Variants in PRELID2 observed in about 807,000 individuals in gnomAD.
PRELID2 encodes the protein PRELI domain containing 2.
Under a neutral mutation model 28.4 loss-of-function variants are expected in PRELID2, and 25 were observed. That is an observed-to-expected ratio of 0.88 (90% CI 0.64 to 1.23). PRELID2 has a LOEUF of 1.23. Ranked by LOEUF, PRELID2 falls within the 50% of genes most tolerant of loss-of-function variation. The pLI is 0.00. For missense variants in PRELID2, 201 were observed against 214.4 expected (o/e 0.94, Z 0.39); for synonymous variants, 76 against 71.6 (o/e 1.06, Z -0.31).
the PRELID2 span, among the ~76,000 whole-genome samples, chr5:145,300,489 G>T: frequency 6.6e-6 from 1 of 151,746 alleles, no homozygotes; most frequent in South Asian, 2.1e-4. Flanking sequence ...TAAAATATAA[G>T]TTTTTATTTA....
rs1159929198 is a variant in PRELID2 at position 145,742,211 on chromosome 5, C to T, written n.70+22720G>A. Among the ~76,000 whole-genome samples, 22 of 101,048 alleles carry T rather than the reference C, an allele frequency of 2.2e-4. No homozygotes were observed. In the East Asian group the frequency reaches 3.3e-3, roughly 15 times the overall value. 66.3% of individuals were successfully genotyped at this position (101,048 alleles called of 152,430 possible). A position where few individuals can be genotyped will look rare whatever the true frequency, so the allele number is the denominator to read the frequency against. ...ATATAAATAATAATATATAAATATA[C>T]ATTTTTATTTATATATAAATAAAAT... On this transcript the variant is annotated intron_variant and non_coding_transcript_variant, in intron 1 of 2. Transcript: ENST00000510259.
chr5:145,697,771 A>G (rs962114397), intron 1 of PRELID2, among the ~76,000 whole-genome samples: 2 of 152,200 alleles, frequency 1.3e-5, no homozygotes, highest in African/African-American at 2.4e-5. Context: ...CTCCTTACAC[A>G]GTTTAAATCT....
chr5:145,801,705 A>C (rs1753153958), intron 4 of PRELID2, among the ~76,000 whole-genome samples: 1 of 152,182 alleles, frequency 6.6e-6, no homozygotes, highest in Non-Finnish European at 1.5e-5. Flanking sequence ...TTCATTAGCT[A>C]TCACCTCAAA....
At chr5:145,764,816 A>G (rs1289739666) in intron 6 of PRELID2, 115 bp downstream of exon 6, 3 of 719,480 alleles carry the variant, frequency 4.2e-6, no homozygotes, top group South Asian at 1.6e-5. Context: ...TTCTGTGCAT[A>G]TAACTGGGAA....
intron 4 of PRELID2, among the ~76,000 whole-genome samples, chr5:145,811,924 T>C (rs1335173412): frequency 6.6e-6 from 1 of 152,020 alleles, no homozygotes; most frequent in African/African-American, 2.4e-5. Flanking sequence ...GGAAAAAAGG[T>C]GTGCTGAGTC....
chr5:145,792,233 C>A (rs761204562), intron 5 of PRELID2, among the ~76,000 whole-genome samples: 9 of 152,182 alleles, frequency 5.9e-5, no homozygotes, highest in African/African-American at 2.2e-4. Flanking sequence ...TTCAAATCCC[C>A]GGTTCACCAT....
In PRELID2 at chr5:145,760,220, C is replaced by T. The variant is rs17103722; in HGVS notation, c.*316G>A. 1,595 of 152,280 alleles carry T rather than the reference C, an allele frequency of 0.01. 43 individuals are homozygous for T. Among genetic ancestry groups the T allele is most frequent in the East Asian group, 0.077 (398 of 5,156 alleles). 9.4% of individuals were successfully genotyped at this position (152,280 alleles called of 1,614,324 possible). On this transcript the variant is annotated 3_prime_UTR_variant, in exon 7 of 7. Coordinates refer to ENST00000683046, the MANE Select transcript of PRELID2 (RefSeq NM_205846.3). Reference sequence around the variant, plus strand: ...CACCATCATCAGACAACCAGCAGAACACCCTGAGGAAGGGCACACATATCT... The same window carrying T: ...CACCATCATCAGACAACCAGCAGAATACCCTGAGGAAGGGCACACATATCT...
the PRELID2 span, among the ~76,000 whole-genome samples, chr5:145,371,557 T>C: frequency 6.6e-6 from 1 of 152,078 alleles, no homozygotes; most frequent in Admixed American, 6.6e-5. Flanking sequence ...ATCAGGAATA[T>C]TGGGCTAAAA....
intron 1 of PRELID2, among the ~76,000 whole-genome samples, chr5:145,660,754 G>C (rs757419049): frequency 1.3e-5 from 2 of 152,124 alleles, no homozygotes; most frequent in Non-Finnish European, 2.9e-5. Flanking sequence ...AACAGGAGAA[G>C]GGAGAACAGT....
At chr5:145,546,544 C>T (rs58878179) in intron 1 of PRELID2, among the ~76,000 whole-genome samples, 74 of 152,198 alleles carry the variant, frequency 4.9e-4, no homozygotes, top group African/African-American at 1.8e-3. Context: ...AATGAAAAGA[C>T]AGGCAAGTAG....
chr5:145,652,779 C>A (rs56808087), intron 1 of PRELID2, among the ~76,000 whole-genome samples: 1 of 152,096 alleles, frequency 6.6e-6, no homozygotes, highest in Non-Finnish European at 1.5e-5. Context: ...ACAACCAGTA[C>A]CAGCCACTGC....
the PRELID2 span, among the ~76,000 whole-genome samples, chr5:145,256,334 C>T: frequency 3.9e-5 from 6 of 151,982 alleles, no homozygotes; most frequent in African/African-American, 1.5e-4. Flanking sequence ...AAATCTTTGT[C>T]ATTTGACATT....
intron 1 of PRELID2, among the ~76,000 whole-genome samples, chr5:145,734,455 C>T (rs77509754): frequency 0.02 from 3,013 of 152,238 alleles, 72 homozygotes; most frequent in East Asian, 0.075. Flanking sequence ...ATAAATGCAA[C>T]GAGCATCAAC....
intron 1 of PRELID2, among the ~76,000 whole-genome samples, chr5:145,610,239 C>G (rs963472016): frequency 6.6e-6 from 1 of 152,206 alleles, no homozygotes; most frequent in Non-Finnish European, 1.5e-5. Flanking sequence ...TGAGCCCAGA[C>G]AGGCTAGTGG....
the PRELID2 span, among the ~76,000 whole-genome samples, chr5:145,232,121 T>C: frequency 1.3e-5 from 2 of 152,130 alleles, no homozygotes; most frequent in African/African-American, 4.8e-5. Context: ...AATATATCCT[T>C]GGTTATGCTG....
chr5:145,829,472 T>G (rs4529254), intron 1 of PRELID2, among the ~76,000 whole-genome samples: 85,942 of 152,004 alleles, frequency 0.57, 26,163 homozygotes, highest in Non-Finnish European at 0.7. Flanking sequence ...AGGAGCCTGC[T>G]GTGTGCTGAA....
chr5:145,790,366 C>G (rs1404853877), intron 5 of PRELID2, among the ~76,000 whole-genome samples: 1 of 152,020 alleles, frequency 6.6e-6, no homozygotes, highest in Non-Finnish European at 1.5e-5. Context: ...ACCTGGAGAA[C>G]ATTATGTTAA....
At chr5:145,459,873 G>A in the PRELID2 span, among the ~76,000 whole-genome samples, 696 of 149,782 alleles carry the variant, frequency 4.6e-3, 4 homozygotes, top group African/African-American at 0.016. Flanking sequence ...GCAGTGATGC[G>A]ATCTTGGCTC....
rs1315631607 is a variant in PRELID2, at chr5:145,600,434, A to AAAAAAATATATATATATATAT, written n.71-127120_71-127119insATATATATATATATATTTTTT. Among the ~76,000 whole-genome samples the AAAAAAATATATATATATATAT allele has an allele frequency of 1.0e-3, 125 of 120,010 alleles. 3 individuals carry two copies. The highest frequency in any genetic ancestry group is 4.7e-3 in the African/African-American group (116 of 24,464). 78.7% of individuals were successfully genotyped at this position (120,010 alleles called of 152,430 possible). ...TCTCAGGGGGGGAAAAAAAAAAAAA[A>AAAAAAATATATATATATATAT]ATATATATATATATATATATGTATC... On this transcript the variant is annotated intron_variant and non_coding_transcript_variant, in intron 1 of 2. Transcript: ENST00000510259.
Sources: allele counts gnomAD v4.1 joint callset (sites outside exome capture counted in the v4.1 genomes callset), GRCh38; gene constraint gnomAD v4.1.1; transcripts MANE v1.5; gene names NCBI Gene and HGNC (gene_info 2026-07-23, HGNC 2026-07-21).